Variants in MACROD1 observed in about 807,000 individuals in gnomAD.
MACROD1 encodes the protein mono-ADP ribosylhydrolase 1.
MACROD1 carries 31 observed loss-of-function variants against 41.4 expected under a neutral mutation model. The ratio of observed to expected loss-of-function variants is 0.75; its 90% CI spans 0.56 to 1.01. MACROD1 has a LOEUF of 1.01. MACROD1 is among the 50% of genes least tolerant of loss of function. The pLI, the probability that MACROD1 is intolerant of heterozygous loss-of-function variation, is 0.00. For missense variants in MACROD1, 473 were observed against 460.0 expected, an observed-to-expected ratio of 1.03 and a Z score of -0.26; for synonymous variants, 252 against 203.4, an observed-to-expected ratio of 1.24 and a Z score of -2.03.
intron 3 of MACROD1, among the ~76,000 whole-genome samples, chr11:64,079,593 G>C (rs1435650946): frequency 6.6e-6 from 1 of 152,182 alleles, no homozygotes; most frequent in Admixed American, 6.5e-5. Context: ...GGTCCTGGGC[G>C]TGGGGTGGGA....
intron 4 of MACROD1, among the ~76,000 whole-genome samples, chr11:64,012,603 G>C (rs1943030731): frequency 6.6e-6 from 1 of 152,154 alleles, no homozygotes; most frequent in African/African-American, 2.4e-5. Flanking sequence ...GCTTCACCAT[G>C]TTGGCTAGGC....
intron 1 of MACROD1, among the ~76,000 whole-genome samples, chr11:64,153,259 G>T (rs894266920): frequency 1.3e-5 from 2 of 152,204 alleles, no homozygotes; most frequent in African/African-American, 4.8e-5. Context: ...CTGGCCCGAG[G>T]CCGCCTGCAC....
chr11:64,123,302 G>A lies in MACROD1; in HGVS notation c.517+27937C>T, dbSNP rs181018294. Among the ~76,000 whole-genome samples, 323 of 152,270 alleles carry A rather than the reference G, an allele frequency of 2.1e-3. 1 individual carries two copies. Among genetic ancestry groups the A allele is most frequent in the South Asian group, 3.3e-3 (16 of 4,828 alleles). On this transcript the variant is annotated intron_variant, in intron 3 of 10. Transcript: ENST00000255681. ...CAGGGCAAGCACTCACAGGCGATTC[G>A]CAGCCGTGCATTGGCCTTCCGAGTG... is the stretch of plus-strand genomic sequence containing the variant.
At chr11:64,121,777 C>CT (rs760255023) in intron 3 of MACROD1, among the ~76,000 whole-genome samples, 1 of 152,156 alleles carries the variant, frequency 6.6e-6, no homozygotes, top group African/African-American at 2.4e-5. Context: ...CTCACAGCCT[C>CT]TAAGTAGCCA....
chr11:64,078,007 G>T (rs768929744), intron 3 of MACROD1, among the ~76,000 whole-genome samples: 1 of 152,184 alleles, frequency 6.6e-6, no homozygotes, highest in Non-Finnish European at 1.5e-5. Context: ...GGTCCCAGAC[G>T]CTCTCCCCGT....
At position 64,165,798 on chromosome 11, in the gene MACROD1, GC is replaced by G; in HGVS notation, c.196del (p.Ala66ArgfsTer24). The G allele has an allele frequency of 5.4e-6, 8 of 1,479,200 alleles. No homozygotes were observed. Among genetic ancestry groups the G allele is most frequent in the South Asian group, 1.3e-5 (1 of 75,170 alleles). 91.6% of individuals were successfully genotyped at this position (1,479,200 alleles called of 1,614,324 possible). A position where few individuals can be genotyped will look rare whatever the true frequency, so the allele number is the denominator to read the frequency against. On this transcript the variant is annotated frameshift_variant, in exon 1 of 11. Transcript: ENST00000255681. LOFTEE classifies it high-confidence loss of function. Reference protein sequence around the residue: ...RTSAGVGAWGAAAVGRTAGVR... With the variant: ...RTSAGVGAWGXAAVGRTAGVR... ...CCCGGCTGTCCGCCCCACCGCCGCC[GC>G]CCCCCACGCCCCAACTCCCGCCGAG... is the stretch of plus-strand genomic sequence containing the variant.
At position 64,041,797 on chromosome 11, in the gene MACROD1, A is replaced by C. The variant is rs868801658; in HGVS notation, c.518-26516T>G. ...GAGGGGGCCTGGCTTTGGTTCAGGG[A>C]ATCTGGCTGTTAGGGGGTGGGTGTC... On this transcript the variant is annotated intron_variant, in intron 3 of 10. Transcript: ENST00000255681. 3.3e-5 allele frequency among the ~76,000 whole-genome samples: 5 copies of C among 152,150 alleles called. No homozygotes were observed. The Middle Eastern group carries it at 0.014, about 414-fold the overall frequency.
chr11:64,090,526 C>T lies in MACROD1; in HGVS notation c.517+60713G>A, dbSNP rs907554932. Among the ~76,000 whole-genome samples, 5 of 152,248 alleles carry T rather than the reference C, an allele frequency of 3.3e-5. No homozygotes were observed. The highest frequency in any genetic ancestry group is 3.4e-3 in the Middle Eastern group (1 of 294). ...ACATTTGCTTCCCCGGGCCCTCCCT[C>T]GACCGGCTCTGCCTGCTCACAGGTG... On this transcript the variant is annotated intron_variant, in intron 3 of 10. Coordinates refer to ENST00000255681, the MANE Select transcript of MACROD1 (RefSeq NM_014067.4). The surrounding 1 kb of genome is among the most constrained non-coding windows in gnomAD (Gnocchi z 4.7).
At chr11:64,138,623 C>A (rs1352993777) in intron 3 of MACROD1, 1 of 864,924 alleles carries the variant, frequency 1.2e-6, no homozygotes, top group Non-Finnish European at 1.4e-6. Context: ...GGGCCTCTCT[C>A]CCCAACTGCG....
Position 64,165,891 on chromosome 11 carries a change from G to A in MACROD1, c.104C>T (p.Thr35Met). 7.2e-7 allele frequency: 1 copy of A among 1,390,598 alleles called. No individual in the cohort carries two copies. Among genetic ancestry groups the A allele is most frequent in the Non-Finnish European group, 9.3e-7 (1 of 1,077,212 alleles). The allele number at this position is 1,390,598 out of a possible 1,614,324, so 86.1% of individuals were successfully genotyped here. A position where few individuals can be genotyped will look rare whatever the true frequency, so the allele number is the denominator to read the frequency against. Reference sequence around the variant, plus strand: ...ACCGCACGTGCTGCTGCGGGTCCTCGTGGCACCCGCCAAGTGTCCGGGCCG... The same window carrying A: ...ACCGCACGTGCTGCTGCGGGTCCTCATGGCACCCGCCAAGTGTCCGGGCCG... The part of the protein sequence containing the change: ...RPRPGHLAGA[T>M]RTRSSTCGPP... The change falls in exon 1 of 11, where the codon ACG (threonine) becomes ATG (methionine). Residue 35 changes from threonine to methionine, a missense_variant. Coordinates refer to ENST00000255681, the MANE Select transcript of MACROD1 (RefSeq NM_014067.4).
At chr11:64,053,276 G>A (rs960265317) in intron 3 of MACROD1, among the ~76,000 whole-genome samples, 2 of 152,202 alleles carry the variant, frequency 1.3e-5, no homozygotes, top group African/African-American at 4.8e-5. Flanking sequence ...CTCGTTAGGA[G>A]GTAGTTTTCC....
At chr11:64,013,323 A>AG (rs1030276338) in intron 4 of MACROD1, among the ~76,000 whole-genome samples, 37 of 152,320 alleles carry the variant, frequency 2.4e-4, no homozygotes, top group Non-Finnish European at 4.7e-4. Flanking sequence ...AATTTCAGCT[A>AG]GGGGCCAGGG....
intron 3 of MACROD1, among the ~76,000 whole-genome samples, chr11:64,144,069 A>G (rs868838091): frequency 1.3e-5 from 2 of 149,606 alleles, no homozygotes; most frequent in Admixed American, 1.3e-4. Context: ...TAGCAGCCCA[A>G]GTGATCTGAC....
At chr11:64,066,601 G>T (rs1198337574) in intron 3 of MACROD1, among the ~76,000 whole-genome samples, 9 of 147,298 alleles carry the variant, frequency 6.1e-5, no homozygotes, top group Non-Finnish European at 4.5e-5. Context: ...CTGCATTCCA[G>T]CCTCCAGCCT....
At chr11:64,089,208 G>T (rs1458111221) in intron 3 of MACROD1, among the ~76,000 whole-genome samples, 1 of 152,180 alleles carries the variant, frequency 6.6e-6, no homozygotes, top group Non-Finnish European at 1.5e-5. Flanking sequence ...CTCTGCTGAG[G>T]GGCTGGCATT....
At chr11:64,105,541 A>G (rs1944746384) in intron 3 of MACROD1, among the ~76,000 whole-genome samples, 1 of 152,118 alleles carries the variant, frequency 6.6e-6, no homozygotes, top group Non-Finnish European at 1.5e-5. Context: ...GGCCAGCTGG[A>G]GAGAGCATTC....
chr11:64,109,702 G>A (rs1455173730), intron 3 of MACROD1, among the ~76,000 whole-genome samples: 1 of 152,154 alleles, frequency 6.6e-6, no homozygotes, highest in Non-Finnish European at 1.5e-5. Context: ...GGCCCCACAG[G>A]AGGGGATGGT....
chr11:64,124,425 G>T (rs537371988), intron 3 of MACROD1, among the ~76,000 whole-genome samples: 1 of 152,218 alleles, frequency 6.6e-6, no homozygotes, highest in Admixed American at 6.5e-5. Context: ...GTGGTTTTAA[G>T]CATTTACTGT....
rs1362668516 is a variant in MACROD1, at chr11:64,015,242, G to T, written c.547+10C>A. 4 of 1,600,640 alleles carry T rather than the reference G, an allele frequency of 2.5e-6. No homozygotes were observed. Among genetic ancestry groups the T allele is most frequent in the South Asian group, 1.1e-5 (1 of 88,436 alleles). On this transcript the variant is annotated intron_variant, in intron 4 of 10. Coordinates refer to ENST00000255681, the MANE Select transcript of MACROD1 (RefSeq NM_014067.4). ...CACCCCACCCCCACCAAGACAGAAG[G>T]TCCACTCACCGCCACCGCCTCCGAG... is the stretch of plus-strand genomic sequence containing the variant.
Sources: allele counts gnomAD v4.1 joint callset (sites outside exome capture counted in the v4.1 genomes callset), GRCh38; gene constraint gnomAD v4.1.1; non-coding constraint Gnocchi (gnomAD v3.1); transcripts MANE v1.5; gene names NCBI Gene and HGNC (gene_info 2026-07-23, HGNC 2026-07-21).